Variants in UMPS observed in about 807,000 individuals in gnomAD.
UMPS encodes the protein uridine monophosphate synthetase.
Under a neutral mutation model 38.9 loss-of-function variants are expected in UMPS, and 21 were observed. That is an observed-to-expected ratio of 0.54 (90% CI 0.38 to 0.78). UMPS has a LOEUF of 0.78. Ranked by LOEUF, UMPS falls within the 30% of genes least tolerant of loss-of-function variation. UMPS has a pLI of 0.00. For missense variants in UMPS, 533 were observed against 591.6 expected, an observed-to-expected ratio of 0.90 and a Z score of 1.03; for synonymous variants, 208 against 219.3, an observed-to-expected ratio of 0.95 and a Z score of 0.45.
chr3:124,732,972 G>GTGTGTGTGTGTT, intron 1 of UMPS, among the ~76,000 whole-genome samples: 1 of 148,600 alleles, frequency 6.7e-6, no homozygotes, highest in Non-Finnish European at 1.5e-5. Context: ...ATCATGGTGT[G>GTGTGTGTGTGTT]TGTGTGTGTG....
chr3:124,748,951 C>A lies in UMPS; in HGVS notation c.*4867C>A, dbSNP rs374379209. On this transcript the variant is annotated 3_prime_UTR_variant, in exon 6 of 6. Transcript: ENST00000232607. The stretch of plus-strand genomic sequence containing the variant: ...GGACAGTCAGTGGGAAGTGGACGGG[C>A]CGCACAACCAAGGTTCTCATGAGGA... The A allele has an allele frequency of 2.0e-5, 9 of 453,380 alleles. No homozygotes were observed. The highest frequency in any genetic ancestry group is 1.4e-4 in the East Asian group (2 of 14,378). The allele number at this position is 453,380 out of a possible 1,614,324, so 28.1% of individuals were successfully genotyped here. A position where few individuals can be genotyped will look rare whatever the true frequency, so the allele number is the denominator to read the frequency against.
In UMPS at chr3:124,737,670, T is replaced by C. The variant is rs902801610; in HGVS notation, c.413T>C (p.Val138Ala). 1 of 1,614,178 alleles carries C rather than the reference T, an allele frequency of 6.2e-7. No individual in the cohort carries two copies. The highest frequency in any genetic ancestry group is 2.2e-5 in the East Asian group (1 of 44,878). ...TCTAGTGTTTTGGAAACTGTTGAGG[T>C]TCTTCAGAAGGAGGGCTTGAAGGTC... is the stretch of plus-strand genomic sequence containing the variant. Reference protein sequence around the residue: ...SGSSVLETVEVLQKEGLKVTD... With the variant: ...SGSSVLETVEALQKEGLKVTD... Residue 138 changes from valine to alanine, a missense_variant, in exon 3 of 6, where the codon GTT (valine) becomes GCT (alanine). Transcript: ENST00000232607.
Position 124,745,691 on chromosome 3 carries a change from G to A in UMPS, c.*1607G>A, listed in dbSNP as rs773039681. 4.4e-6 allele frequency: 2 copies of A among 454,084 alleles called. No homozygotes were observed. Among genetic ancestry groups the A allele is most frequent in the South Asian group, 3.1e-5 (2 of 64,464 alleles). The allele number at this position is 454,084 out of a possible 1,614,324, so 28.1% of individuals were successfully genotyped here. A position where few individuals can be genotyped will look rare whatever the true frequency, so the allele number is the denominator to read the frequency against. ...CACAGAAGGAGCAGGAAGGGAGTTG[G>A]CCCTCAGGGCTACTCTGGGGAAGCC... On this transcript the variant is annotated 3_prime_UTR_variant, in exon 6 of 6. Transcript: ENST00000232607.
In UMPS at chr3:124,747,277, T is replaced by C. The variant is rs886057889; in HGVS notation, c.*3193T>C. The C allele has an allele frequency of 1.8e-5, 8 of 454,514 alleles. No individual in the cohort carries two copies. The highest frequency in any genetic ancestry group is 2.4e-5 in the Admixed American group (1 of 42,538). The allele number at this position is 454,514 out of a possible 1,614,324, so 28.2% of individuals were successfully genotyped here. A position where few individuals can be genotyped will look rare whatever the true frequency, so the allele number is the denominator to read the frequency against. ...GACAGCAGAGCCCACACCACTCCAG[T>C]TGCAGTGGTTGCCATCTGGGTCATC... On this transcript the variant is annotated 3_prime_UTR_variant, in exon 6 of 6. Transcript: ENST00000232607.
At chr3:124,732,047 G>A (rs2063483133) in intron 1 of UMPS, among the ~76,000 whole-genome samples, 1 of 151,654 alleles carries the variant, frequency 6.6e-6, no homozygotes, top group Non-Finnish European at 1.5e-5. Context: ...AGATCCTCTT[G>A]CCTTGGCGGC....
In UMPS at chr3:124,744,017, G is replaced by C. The variant is rs142909683; in HGVS notation, c.1376G>C (p.Arg459Pro). 10 of 1,614,102 alleles carry C rather than the reference G, an allele frequency of 6.2e-6. No homozygotes were observed. In the African/African-American group the frequency reaches 1.3e-4, roughly 22 times the overall value. The change falls in exon 6 of 6, where the codon CGT becomes CCT. Residue 459 changes from arginine to proline, a missense_variant. Arg to Pro is a moderately radical substitution (Grantham distance 103). Transcript: ENST00000232607. ...VGRGIISAAD[R>P]LEAAEMYRKA... ...CGTGGCATAATCTCAGCAGCTGATC[G>C]TCTGGAAGCAGCAGAGATGTACAGA...
chr3:124,741,363 A>G lies in UMPS; in HGVS notation c.1159-789A>G, dbSNP rs552715975. On this transcript the variant is annotated intron_variant, in intron 4 of 5. Transcript: ENST00000232607. The stretch of plus-strand genomic sequence containing the variant: ...TGGTCTCCGGGAAGTATCAAATAAG[A>G]AGGGAAGTATGGGAGTCACGTCTCG... 6.6e-5 allele frequency among the ~76,000 whole-genome samples: 10 copies of G among 152,256 alleles called. No homozygotes were observed. The East Asian group carries it at 1.9e-3, about 29-fold the overall frequency.
In UMPS at chr3:124,742,139, A is replaced by T; in HGVS notation, c.1159-13A>T. ...CTGTTTTCTTATAATATGTCCTATT[A>T]CATTCCATTTAGGTTAGAATGGCTG... On this transcript the variant is annotated splice_polypyrimidine_tract_variant and intron_variant, in intron 4 of 5. Coordinates refer to ENST00000232607, the MANE Select transcript of UMPS (RefSeq NM_000373.4). 6.3e-7 allele frequency: 1 copy of T among 1,578,824 alleles called. No individual in the cohort carries two copies. The highest frequency in any genetic ancestry group is 8.7e-7 in the Non-Finnish European group (1 of 1,148,308).
chr3:124,731,367 C>T (rs974409681), intron 1 of UMPS: 1 of 251,762 alleles, frequency 4.0e-6, no homozygotes, highest in South Asian at 4.2e-5. Context: ...TATGCAGCCC[C>T]GGGACAATTA....
Position 124,742,373 on chromosome 3 carries a change from T to C in UMPS, c.1273+107T>C, listed in dbSNP as rs370670790. On this transcript the variant is annotated intron_variant, in intron 5 of 5. Transcript: ENST00000232607. ...TACACTTGCTTAAGAAAAGCCTTCT[T>C]AGTCTAGAACAATAATGAATGAGCC... 5.7e-5 allele frequency: 48 copies of C among 842,348 alleles called. No individual in the cohort carries two copies. In the African/African-American group the frequency reaches 7.5e-4, roughly 13 times the overall value. The allele number at this position is 842,348 out of a possible 1,614,324, so 52.2% of individuals were successfully genotyped here. A position where few individuals can be genotyped will look rare whatever the true frequency, so the allele number is the denominator to read the frequency against.
chr3:124,742,068 T>G lies in UMPS; in HGVS notation c.1159-84T>G, dbSNP rs17843842. 807 of 1,115,398 alleles carry G rather than the reference T, an allele frequency of 7.2e-4. 9 individuals carry two copies. In the African/African-American group the frequency reaches 0.011, roughly 15 times the overall value. The allele number at this position is 1,115,398 out of a possible 1,614,324, so 69.1% of individuals were successfully genotyped here. ...CATGTCTTTTTTTTTTTTTTTTAAGTTTTGAAAAAATAGAGCATATTTTTA... is the reference window on the plus strand; with the variant it reads ...CATGTCTTTTTTTTTTTTTTTTAAGGTTTGAAAAAATAGAGCATATTTTTA... On this transcript the variant is annotated intron_variant, in intron 4 of 5. Coordinates refer to ENST00000232607, the MANE Select transcript of UMPS (RefSeq NM_000373.4).
intron 4 of UMPS, among the ~76,000 whole-genome samples, chr3:124,741,340 G>A (rs889787079): frequency 1.2e-4 from 18 of 152,118 alleles, no homozygotes; most frequent in African/African-American, 4.8e-5. Flanking sequence ...ACTGAGTCTG[G>A]TCTCCGGGAA....
chr3:124,743,981 T>C lies in UMPS; in HGVS notation c.1340T>C (p.Ile447Thr), dbSNP rs1316048603. Residue 447 changes from isoleucine (I) to threonine (T), a missense_variant, in exon 6 of 6, where the codon ATC becomes ACC. Transcript: ENST00000232607. ...EVIGKRGSDI[I>T]IVGRGIISAA... is the part of the protein sequence containing the mutation. ...ATTGGCAAACGAGGTTCCGATATCA[T>C]CATTGTAGGTCGTGGCATAATCTCA... The C allele has an allele frequency of 3.1e-6, 5 of 1,614,222 alleles. No homozygotes were observed. Among genetic ancestry groups the C allele is most frequent in the Non-Finnish European group, 4.2e-6 (5 of 1,180,036 alleles).
At chr3:124,736,519 T>G (rs1461970098) in intron 2 of UMPS, among the ~76,000 whole-genome samples, 1 of 152,060 alleles carries the variant, frequency 6.6e-6, no homozygotes, top group Non-Finnish European at 1.5e-5. Flanking sequence ...CCCAGGCTGG[T>G]CTTGAACTCC....
At chr3:124,739,804 C>T (rs1338766257) in intron 3 of UMPS, among the ~76,000 whole-genome samples, 1 of 152,176 alleles carries the variant, frequency 6.6e-6, no homozygotes, top group South Asian at 2.1e-4. Flanking sequence ...AGTTTTTTCT[C>T]ATTGTGATCT....
At chr3:124,732,982 G>GTGTGTGTA (rs1054811117) in intron 1 of UMPS, among the ~76,000 whole-genome samples, 2 of 151,874 alleles carry the variant, frequency 1.3e-5, no homozygotes, top group African/African-American at 4.8e-5. Context: ...GTGTGTGTGT[G>GTGTGTGTA]TGTGTGTGTG....
intron 2 of UMPS, among the ~76,000 whole-genome samples, chr3:124,735,478 A>G (rs2063511286): frequency 1.3e-5 from 2 of 152,100 alleles, no homozygotes; most frequent in Admixed American, 1.3e-4. Flanking sequence ...TACTGTATCT[A>G]TGAAACTCCA....
At chr3:124,741,517 ATT>A (rs528634428) in intron 4 of UMPS, among the ~76,000 whole-genome samples, 25 of 152,264 alleles carry the variant, frequency 1.6e-4, no homozygotes, top group African/African-American at 6.0e-4. Flanking sequence ...TAGAGGTGAG[ATT>A]TCTTTAGCTC....
Position 124,745,879 on chromosome 3 carries a change from A to G in UMPS, c.*1795A>G, listed in dbSNP as rs1559909136. On this transcript the variant is annotated 3_prime_UTR_variant, in exon 6 of 6. Coordinates refer to ENST00000232607, the MANE Select transcript of UMPS (RefSeq NM_000373.4). Reference sequence around the variant, plus strand: ...ACTTCCATGTGTCAGTGGTTCTCCCACTTTAGCAGGTATCAGAGTCACCTG... The same window carrying G: ...ACTTCCATGTGTCAGTGGTTCTCCCGCTTTAGCAGGTATCAGAGTCACCTG... 1 of 454,080 alleles carries G rather than the reference A, an allele frequency of 2.2e-6. No homozygotes were observed. The highest frequency in any genetic ancestry group is 2.0e-5 in the African/African-American group (1 of 50,098). The allele number at this position is 454,080 out of a possible 1,614,324, so 28.1% of individuals were successfully genotyped here.
Sources: gnomAD v4.1 joint callset for allele counts (sites outside exome capture counted in the v4.1 genomes callset) on GRCh38, gnomAD v4.1.1 for gene constraint, MANE v1.5 for transcripts, NCBI Gene and HGNC (gene_info 2026-07-23, HGNC 2026-07-21) for gene names.